The following NOVA2 variants were observed in gnomAD, a reference collection of about 807,000 sequenced individuals.
NOVA2 encodes the protein NOVA alternative splicing regulator 2, also known as RNA-binding protein Nova-2.
Under a neutral mutation model 22.5 loss-of-function variants are expected in NOVA2, and 9 were observed. The observed-to-expected ratio is 0.40, with a 90% CI of 0.24 to 0.70. The LOEUF (loss-of-function observed/expected upper bound fraction) is 0.70, where lower values mean the gene tolerates loss of function less well. Ranked by LOEUF, NOVA2 falls within the 30% of genes least tolerant of loss-of-function variation. NOVA2 has a pLI of 0.38. For synonymous variants in NOVA2, 318 were observed against 335.2 expected (o/e 0.95, Z 0.56); for missense variants, 383 against 682.8 (o/e 0.56, Z 4.89).
intron 1 of NOVA2, among the ~76,000 whole-genome samples, chr19:45,970,319 G>A (rs1213114397): frequency 4.6e-5 from 7 of 151,610 alleles, no homozygotes; most frequent in East Asian, 1.9e-4. Context: ...GAAATTGCAC[G>A]TAAGACATTA....
At chr19:45,969,921 C>T (rs958705390) in intron 1 of NOVA2, among the ~76,000 whole-genome samples, 11 of 152,250 alleles carry the variant, frequency 7.2e-5, no homozygotes, top group South Asian at 2.1e-4. Flanking sequence ...CTCCCAGAAG[C>T]GGGCAGGAGT....
intron 1 of NOVA2, among the ~76,000 whole-genome samples, chr19:45,963,114 C>A (rs926844967): frequency 2.0e-5 from 3 of 152,074 alleles, no homozygotes; most frequent in Admixed American, 6.6e-5. Context: ...GTAGCTCACG[C>A]CTGTAATCCC....
At chr19:45,956,004 C>G (rs1319118855) in intron 2 of NOVA2, among the ~76,000 whole-genome samples, 3 of 152,192 alleles carry the variant, frequency 2.0e-5, no homozygotes, top group Admixed American at 6.5e-5. Flanking sequence ...GTGACACGAC[C>G]CTGACTCCTC....
At chr19:45,954,851 G>A (rs1245742759) in intron 2 of NOVA2, among the ~76,000 whole-genome samples, 1 of 134,338 alleles carries the variant, frequency 7.4e-6, no homozygotes, top group Non-Finnish European at 1.6e-5. Context: ...CGAGGCTGGT[G>A]AGTGGTGTGT....
At chr19:45,948,619 A>AAAAAG (rs934146738) in intron 3 of NOVA2, among the ~76,000 whole-genome samples, 8 of 151,796 alleles carry the variant, frequency 5.3e-5, no homozygotes, top group Admixed American at 4.6e-4. Flanking sequence ...AAAAAAAAGA[A>AAAAAG]AAAAGAAAAG....
intron 3 of NOVA2, among the ~76,000 whole-genome samples, chr19:45,942,531 G>A (rs975184346): frequency 1.3e-5 from 2 of 152,042 alleles, no homozygotes; most frequent in Non-Finnish European, 2.9e-5. Flanking sequence ...TAATCTAGTT[G>A]TCCTGTCTGT....
At chr19:45,949,678 G>A (rs1166301649) in intron 3 of NOVA2, among the ~76,000 whole-genome samples, 1 of 151,746 alleles carries the variant, frequency 6.6e-6, no homozygotes, top group African/African-American at 2.4e-5. Flanking sequence ...CCTGCTCTCT[G>A]GAGTCACTCA....
chr19:45,958,561 G>A (rs1263276943), intron 2 of NOVA2, among the ~76,000 whole-genome samples: 1 of 144,638 alleles, frequency 6.9e-6, no homozygotes, highest in Non-Finnish European at 1.6e-5. Flanking sequence ...GCGTGTGTGT[G>A]GGTGTGAGGG....
chr19:45,953,821 G>C lies in NOVA2; in HGVS notation c.355C>G (p.Leu119Val). 6 of 1,614,194 alleles carry C rather than the reference G, an allele frequency of 3.7e-6. No individual in the cohort carries two copies. The highest frequency in any genetic ancestry group is 5.1e-6 in the Non-Finnish European group (6 of 1,180,036). ...AMTKPEVVNI[L>V]QPQTTMNPDR... Reference sequence around the variant, plus strand: ...GGGTTCATCGTGGTTTGGGGTTGAAGGATGTTGACCACCTCAGGCTTGGTC... The same window carrying C: ...GGGTTCATCGTGGTTTGGGGTTGAACGATGTTGACCACCTCAGGCTTGGTC... The change falls in exon 3 of 4, where the codon CTT becomes GTT. Residue 119 changes from leucine to valine, a missense_variant. Around this residue, in one of 2 missense-constraint regions of NOVA2, gnomAD observed 349 missense variants for 578.1 expected, o/e 0.60. Coordinates refer to ENST00000263257, the MANE Select transcript of NOVA2 (RefSeq NM_002516.4).
intron 3 of NOVA2, 53 bp from the exon 4 acceptor site, chr19:45,940,998 A>T: frequency 6.7e-7 from 1 of 1,486,416 alleles, no homozygotes; most frequent in Non-Finnish European, 8.9e-7. Context: ...TAAAAAATTA[A>T]ATTAAATTAG....
Position 45,966,769 on chromosome 19 carries a change from T to C in NOVA2, c.86-5616A>G, listed in dbSNP as rs559351514. 2.7e-3 allele frequency among the ~76,000 whole-genome samples: 407 copies of C among 152,146 alleles called. 3 individuals are homozygous for C. Among genetic ancestry groups the C allele is most frequent in the African/African-American group, 9.5e-3 (395 of 41,508 alleles). On this transcript the variant is annotated intron_variant, in intron 1 of 3. Transcript: ENST00000263257. ...GCACATGCCTGTAATCCCAGCTACT[T>C]GGGAGGCTGAAGCAGAAGAATTGCT...
chr19:45,957,113 T>C (rs185814816), intron 2 of NOVA2, among the ~76,000 whole-genome samples: 43 of 151,490 alleles, frequency 2.8e-4, no homozygotes, highest in Non-Finnish European at 4.7e-4. Flanking sequence ...ATAAAAATGT[T>C]TTTTGAAGTG....
At position 45,936,286 on chromosome 19, in the gene NOVA2, G is replaced by A. The variant is rs553692274; in HGVS notation, c.*3577C>T. Reference sequence around the variant, plus strand: ...CATAGATTTGCCAGGAAGTTGGCAAGTGGGATTCTCCTTGGCTGGTGGAAT... The same window carrying A: ...CATAGATTTGCCAGGAAGTTGGCAAATGGGATTCTCCTTGGCTGGTGGAAT... On this transcript the variant is annotated 3_prime_UTR_variant, in exon 4 of 4. Transcript: ENST00000263257. 9 of 152,326 alleles carry A rather than the reference G, an allele frequency of 5.9e-5. No individual in the cohort carries two copies. The highest frequency in any genetic ancestry group is 2.2e-4 in the African/African-American group (9 of 41,580). The allele number at this position is 152,326 out of a possible 1,614,324, so 9.4% of individuals were successfully genotyped here. A position where few individuals can be genotyped will look rare whatever the true frequency, so the allele number is the denominator to read the frequency against.
rs1214744952 is a variant in NOVA2 at position 45,952,882 on chromosome 19, G to C, written c.396+898C>G. Among the ~76,000 whole-genome samples, 51 of 152,218 alleles carry C rather than the reference G, an allele frequency of 3.4e-4. 1 individual carries two copies. The highest frequency in any genetic ancestry group is 3.3e-3 in the Admixed American group (51 of 15,290). The stretch of plus-strand genomic sequence containing the variant: ...CAGGCCTGTGCTCTGCCCCACCTCA[G>C]GGCAACGACAGGACCCAAGAATTCC... On this transcript the variant is annotated intron_variant, in intron 3 of 3. Coordinates refer to ENST00000263257, the MANE Select transcript of NOVA2 (RefSeq NM_002516.4).
chr19:45,957,212 C>T (rs939641370), intron 2 of NOVA2, among the ~76,000 whole-genome samples: 42 of 151,988 alleles, frequency 2.8e-4, no homozygotes, highest in Non-Finnish European at 5.4e-4. Context: ...GGAGTTCAGC[C>T]TGGGCAATAT....
chr19:45,948,599 C>CA (rs1227808626), intron 3 of NOVA2, among the ~76,000 whole-genome samples: 15,802 of 72,068 alleles, frequency 0.22, 1,178 homozygotes, highest in African/African-American at 0.29. Context: ...GACTCTGTCT[C>CA]AAAAAAAAAA....
chr19:45,941,021 G>C, intron 3 of NOVA2, 76 bp from the exon 4 acceptor site: 1 of 1,385,220 alleles, frequency 7.2e-7, no homozygotes, highest in South Asian at 1.4e-5. Context: ...TGGGCACGGT[G>C]GCTGTCGCCT....
chr19:45,956,493 A>G (rs533664433), intron 2 of NOVA2, among the ~76,000 whole-genome samples: 5 of 151,958 alleles, frequency 3.3e-5, no homozygotes. Context: ...TCCCTGAGAC[A>G]AGAGTCTCAT....
intron 3 of NOVA2, among the ~76,000 whole-genome samples, chr19:45,941,741 A>T (rs75855158): frequency 0.034 from 5,125 of 152,142 alleles, 302 homozygotes; most frequent in African/African-American, 0.12. Flanking sequence ...TAACATTAAA[A>T]TTTTTTTTAA....
Sources: allele counts gnomAD v4.1 joint callset (sites outside exome capture counted in the v4.1 genomes callset), GRCh38; gene constraint gnomAD v4.1.1; regional missense constraint gnomAD v4.1.1; transcripts MANE v1.5; gene names NCBI Gene and HGNC (gene_info 2026-07-23, HGNC 2026-07-21).